Variants in TBC1D22A observed in about 807,000 individuals in gnomAD.
The protein encoded by TBC1D22A is TBC1 domain family member 22A, also known as putative GTPase activator.
A neutral mutation model predicts 60.2 loss-of-function variants in TBC1D22A; 38 were observed. The ratio of observed to expected loss-of-function variants is 0.63; its 90% CI spans 0.49 to 0.83. The LOEUF is 0.83. Among genes scored for constraint, TBC1D22A ranks in the 40% least tolerant of loss-of-function variants. The probability of loss-of-function intolerance (pLI) is 0.00; values close to 1 mark genes in which losing one functional copy is unlikely to be tolerated. For missense variants in TBC1D22A, 628 were observed against 701.0 expected (o/e 0.90, Z 1.18); for synonymous variants, 302 against 281.7 (o/e 1.07, Z -0.72).
chr22:47,057,413 C>T (rs2063430744), intron 11 of TBC1D22A, among the ~76,000 whole-genome samples: 1 of 152,192 alleles, frequency 6.6e-6, no homozygotes, highest in African/African-American at 2.4e-5. Context: ...CAGGGTGGCT[C>T]GAACCCAGAT....
chr22:46,885,755 G>C (rs1352197535), intron 5 of TBC1D22A, among the ~76,000 whole-genome samples: 1 of 152,028 alleles, frequency 6.6e-6, no homozygotes, highest in Non-Finnish European at 1.5e-5. Flanking sequence ...GGAGCTCTGC[G>C]CCTGGCAATC....
chr22:47,066,968 T>TA (rs1440848356), intron 11 of TBC1D22A, among the ~76,000 whole-genome samples: 3 of 152,090 alleles, frequency 2.0e-5, no homozygotes, highest in South Asian at 2.1e-4. Flanking sequence ...CCAGTCCTTT[T>TA]AAAAAAACTC....
At chr22:46,797,374 G>A in intron 3 of TBC1D22A, 70 bp from the exon 4 acceptor site, 9 of 1,563,194 alleles carry the variant, frequency 5.8e-6, no homozygotes, top group South Asian at 1.1e-5. Flanking sequence ...AGGGACAGTG[G>A]CACAGCAAGG....
At chr22:47,030,998 G>A (rs766629378) in intron 10 of TBC1D22A, among the ~76,000 whole-genome samples, 3 of 152,210 alleles carry the variant, frequency 2.0e-5, no homozygotes, top group Admixed American at 1.3e-4. Context: ...GACCACTTCC[G>A]TGTGAAGAAG....
At chr22:47,155,901 G>A (rs758107653) in intron 12 of TBC1D22A, among the ~76,000 whole-genome samples, 7 of 152,240 alleles carry the variant, frequency 4.6e-5, no homozygotes, top group Non-Finnish European at 7.3e-5. Flanking sequence ...TGATAGAAAG[G>A]TTAAAAATAA....
In TBC1D22A at chr22:46,871,217, C is replaced by G. The variant is rs116862230; in HGVS notation, c.638-7436C>G. ...TGTACCAGCTTTACAATGCATGAAG[C>G]AAACATTGACAGCAATAAAGAGAGA... On this transcript the variant is annotated intron_variant, in intron 4 of 12. Coordinates refer to ENST00000337137, the MANE Select transcript of TBC1D22A (RefSeq NM_014346.5). Among the ~76,000 whole-genome samples, 209 of 152,232 alleles carry G rather than the reference C, an allele frequency of 1.4e-3. 2 individuals carry two copies. In the East Asian group the frequency reaches 0.033, roughly 24 times the overall value.
In TBC1D22A at chr22:47,029,889, G is replaced by T. The variant is rs563509681; in HGVS notation, c.1202-7182G>T. Among the ~76,000 whole-genome samples the T allele has an allele frequency of 7.9e-5, 12 of 152,354 alleles. No homozygotes were observed. In the South Asian group the frequency reaches 2.5e-3, roughly 32 times the overall value. On this transcript the variant is annotated intron_variant, in intron 10 of 12. Transcript: ENST00000337137. ...GCTTCCCCCAGAGTGGCCTGGGCCG[G>T]GGCTGCTGCTCGTCCTGGGTCTCAA...
chr22:46,963,484 G>A lies in TBC1D22A; in HGVS notation c.1016-10806G>A, dbSNP rs940745520. 3.3e-5 allele frequency among the ~76,000 whole-genome samples: 5 copies of A among 149,372 alleles called. No homozygotes were observed. The East Asian group carries it at 5.9e-4, about 18-fold the overall frequency. On this transcript the variant is annotated intron_variant, in intron 8 of 12. Transcript: ENST00000337137. The stretch of plus-strand genomic sequence containing the variant: ...AGTGTATTGGCTCTGAATGGAGCAG[G>A]CCCTTGTTCCTGTGCCTTCCCCAGC...
At chr22:46,798,567 G>A (rs1260540702) in intron 4 of TBC1D22A, among the ~76,000 whole-genome samples, 1 of 152,280 alleles carries the variant, frequency 6.6e-6, no homozygotes, top group Non-Finnish European at 1.5e-5. Flanking sequence ...TGGAATTCCT[G>A]CTGAATCCAC....
In TBC1D22A at chr22:46,784,505, T is replaced by C. The variant is rs573010654; in HGVS notation, c.63-8015T>C. On this transcript the variant is annotated intron_variant, in intron 1 of 12. Coordinates refer to ENST00000337137, the MANE Select transcript of TBC1D22A (RefSeq NM_014346.5). ...AATCAAATAAAAGTGCAATTTTGAT[T>C]AGATAAAATGGGGTTCCTTTAGTCT... Among the ~76,000 whole-genome samples, 5 of 152,390 alleles carry C rather than the reference T, an allele frequency of 3.3e-5. No homozygotes were observed. The South Asian group carries it at 1.0e-3, about 32-fold the overall frequency.
intron 8 of TBC1D22A, among the ~76,000 whole-genome samples, chr22:46,937,650 CCAGAAGAAGG>C (rs1463899662): frequency 6.6e-6 from 1 of 152,044 alleles, no homozygotes; most frequent in Non-Finnish European, 1.5e-5. Context: ...CAGGAGGTAT[CCAGAAGAAGG>C]CATAGTTATC....
intron 11 of TBC1D22A, among the ~76,000 whole-genome samples, chr22:47,050,727 G>A (rs4823904): frequency 0.36 from 54,681 of 151,348 alleles, 11,323 homozygotes; most frequent in African/African-American, 0.54. Context: ...GCGGGGGCTC[G>A]GGAAGGGTCT....
intron 7 of TBC1D22A, among the ~76,000 whole-genome samples, chr22:46,911,390 A>G (rs1470784390): frequency 6.6e-6 from 1 of 152,218 alleles, no homozygotes; most frequent in African/African-American, 2.4e-5. Context: ...TAGAGCATCC[A>G]CCCACCCACC....
chr22:47,136,552 G>C (rs1361790215), intron 12 of TBC1D22A, among the ~76,000 whole-genome samples: 1 of 142,338 alleles, frequency 7.0e-6, no homozygotes, highest in Non-Finnish European at 1.6e-5. Context: ...GGCCAGACCC[G>C]GGGACGGGGG....
chr22:46,814,288 T>C (rs1372101883), intron 4 of TBC1D22A, among the ~76,000 whole-genome samples: 1 of 152,232 alleles, frequency 6.6e-6, no homozygotes, highest in African/African-American at 2.4e-5. Flanking sequence ...TTTCTCACAG[T>C]AGTCCTGTGA....
chr22:47,046,243 G>C (rs550705074), intron 11 of TBC1D22A, among the ~76,000 whole-genome samples: 59 of 152,348 alleles, frequency 3.9e-4, no homozygotes, highest in Admixed American at 1.3e-3. Context: ...GTTTCTGACA[G>C]GTCACGGCTC....
chr22:46,991,780 C>T (rs1041965502), intron 9 of TBC1D22A, among the ~76,000 whole-genome samples: 15 of 152,182 alleles, frequency 9.9e-5, no homozygotes, highest in Admixed American at 3.9e-4. Context: ...CTTCCAGCCT[C>T]GGAACGGTCT....
At chr22:46,947,289 C>T (rs572560728) in intron 8 of TBC1D22A, among the ~76,000 whole-genome samples, 1 of 152,244 alleles carries the variant, frequency 6.6e-6, no homozygotes, top group South Asian at 2.1e-4. Context: ...TCTGTCTGGA[C>T]CCAGATGTGT....
chr22:46,865,165 A>G (rs918963760), intron 4 of TBC1D22A, among the ~76,000 whole-genome samples: 1 of 152,182 alleles, frequency 6.6e-6, no homozygotes, highest in African/African-American at 2.4e-5. Flanking sequence ...GCATCTCTGC[A>G]GGATCCAGGC....
Sources: allele counts gnomAD v4.1 joint callset (sites outside exome capture counted in the v4.1 genomes callset), GRCh38; gene constraint gnomAD v4.1.1; transcripts MANE v1.5; gene names NCBI Gene and HGNC (gene_info 2026-07-23, HGNC 2026-07-21).